Variants in TUSC3 observed in about 807,000 individuals in gnomAD.
TUSC3 encodes the protein tumor suppressor candidate 3.
Under a neutral mutation model 44.8 loss-of-function variants are expected in TUSC3, and 45 were observed. That is an observed-to-expected ratio of 1.00 (90% CI 0.79 to 1.29). TUSC3 has a LOEUF of 1.29. Ranked by LOEUF, TUSC3 falls within the 50% of genes most tolerant of loss-of-function variation. TUSC3 has a pLI of 0.00. For missense variants in TUSC3, 519 were observed against 437.9 expected (o/e 1.19, Z -1.65); for synonymous variants, 212 against 152.9 (o/e 1.39, Z -2.85).
chr8:15,714,304 T>C lies in TUSC3; in HGVS notation c.799-16362T>C, dbSNP rs561570710. On this transcript the variant is annotated intron_variant, in intron 6 of 10. Coordinates refer to ENST00000503731, the MANE Select transcript of TUSC3 (RefSeq NM_006765.4). ...AATAACAAGTGTAGCAGTATATATG[T>C]TGTTTTTAAATTTTGATTTTTGAAC... is the stretch of plus-strand genomic sequence containing the variant. Among the ~76,000 whole-genome samples, 12 of 152,298 alleles carry C rather than the reference T, an allele frequency of 7.9e-5. No individual in the cohort carries two copies. The South Asian group carries it at 2.5e-3, about 32-fold the overall frequency.
chr8:15,825,860 C>A, the TUSC3 span, among the ~76,000 whole-genome samples: 2 of 148,876 alleles, frequency 1.3e-5, no homozygotes, highest in East Asian at 2.0e-4. Flanking sequence ...TTGATAGTGA[C>A]CAATTACGGA....
intron 7 of TUSC3, among the ~76,000 whole-genome samples, chr8:15,733,900 C>T (rs1810825478): frequency 6.6e-6 from 1 of 152,028 alleles, no homozygotes; most frequent in Admixed American, 6.6e-5. Flanking sequence ...CAAAATTAGC[C>T]AGATGTGATG....
chr8:15,691,307 C>G (rs1395380557), intron 6 of TUSC3, among the ~76,000 whole-genome samples: 1 of 151,882 alleles, frequency 6.6e-6, no homozygotes. Context: ...TGGCTTTCAC[C>G]TTGGATGTTT....
chr8:15,743,420 G>A, intron 7 of TUSC3, 118 bp from the exon 8 acceptor site: 2 of 987,340 alleles, frequency 2.0e-6, no homozygotes, highest in Non-Finnish European at 3.3e-6. Flanking sequence ...GTAATTGATT[G>A]TATTTACCTC....
upstream of TUSC3, among the ~76,000 whole-genome samples, chr8:15,537,405 T>G (rs1289903883): frequency 6.6e-6 from 1 of 152,126 alleles, no homozygotes; most frequent in Non-Finnish European, 1.5e-5. Context: ...CTAAAATATA[T>G]AAAACCAAGC....
At chr8:15,554,600 A>ATTTTTT (rs376264004) in intron 1 of TUSC3, among the ~76,000 whole-genome samples, 2 of 111,654 alleles carry the variant, frequency 1.8e-5, no homozygotes, top group Non-Finnish European at 3.6e-5. Context: ...TTTTACTATA[A>ATTTTTT]TTTTTTTTTT....
intron 8 of TUSC3, among the ~76,000 whole-genome samples, chr8:15,746,333 G>A (rs890857649): frequency 6.6e-6 from 1 of 152,032 alleles, no homozygotes; most frequent in Non-Finnish European, 1.5e-5. Flanking sequence ...TGTTGTGTAT[G>A]TGCTTGTGTG....
the TUSC3 span, among the ~76,000 whole-genome samples, chr8:15,780,488 T>G: frequency 2.3e-4 from 35 of 152,304 alleles, no homozygotes; most frequent in South Asian, 6.2e-3. Flanking sequence ...ACACAAACAC[T>G]TGCAGGGGCT....
the TUSC3 span, among the ~76,000 whole-genome samples, chr8:15,805,710 A>G: frequency 1.3e-5 from 2 of 152,056 alleles, no homozygotes; most frequent in Admixed American, 6.6e-5. Flanking sequence ...CTGATGTGCT[A>G]CTGGATTCAG....
intron 1 of TUSC3, among the ~76,000 whole-genome samples, chr8:15,570,199 A>G (rs922553704): frequency 4.0e-5 from 6 of 151,592 alleles, no homozygotes; most frequent in Admixed American, 2.6e-4. Flanking sequence ...GTGCAGAGTA[A>G]TTTATTTCAC....
chr8:15,684,875 C>G (rs940122278), intron 6 of TUSC3, among the ~76,000 whole-genome samples: 15 of 152,126 alleles, frequency 9.9e-5, no homozygotes, highest in Admixed American at 2.6e-4. Context: ...GCAAAACACT[C>G]AGATGGGGCA....
chr8:15,821,911 G>A, the TUSC3 span, among the ~76,000 whole-genome samples: 1 of 152,118 alleles, frequency 6.6e-6, no homozygotes, highest in East Asian at 1.9e-4. Context: ...TTGCTCTGTT[G>A]AAATTAGACT....
At chr8:15,467,870 A>G (rs1043816407) in intron 1 of TUSC3, among the ~76,000 whole-genome samples, 33 of 152,146 alleles carry the variant, frequency 2.2e-4, no homozygotes, top group African/African-American at 8.0e-4. Context: ...CCTTTCTCTA[A>G]TATTCTACTT....
intron 1 of TUSC3, among the ~76,000 whole-genome samples, chr8:15,439,509 G>T (rs957166994): frequency 6.6e-6 from 1 of 152,158 alleles, no homozygotes; most frequent in Admixed American, 6.5e-5. Context: ...GTGAACCGTG[G>T]TTACACCACT....
chr8:15,536,239 A>G (rs572149388), upstream of TUSC3, among the ~76,000 whole-genome samples: 2 of 152,318 alleles, frequency 1.3e-5, no homozygotes, highest in South Asian at 2.1e-4. Context: ...GAGGAAAAAT[A>G]GGAAATGATG....
chr8:15,441,834 T>C (rs1800024108), intron 1 of TUSC3, among the ~76,000 whole-genome samples: 1 of 152,220 alleles, frequency 6.6e-6, no homozygotes, highest in Non-Finnish European at 1.5e-5. Context: ...TTTTTGATTA[T>C]GCTTCTCTAA....
In TUSC3 at chr8:15,573,441, C is replaced by T. The variant is rs184235668; in HGVS notation, c.138+32873C>T. ...TGGCTAGGTTGGCTTGCCACACTTCCGTAGATTGTGCTGCTGAAGATAGAA... is the reference window on the plus strand; with the variant it reads ...TGGCTAGGTTGGCTTGCCACACTTCTGTAGATTGTGCTGCTGAAGATAGAA... On this transcript the variant is annotated intron_variant, in intron 1 of 10. Coordinates refer to ENST00000503731, the MANE Select transcript of TUSC3 (RefSeq NM_006765.4). 1.2e-3 allele frequency among the ~76,000 whole-genome samples: 178 copies of T among 151,784 alleles called. 1 individual carries two copies. Among genetic ancestry groups the T allele is most frequent in the African/African-American group, 4.0e-3 (165 of 41,370 alleles).
At chr8:15,714,221 T>A (rs1200785667) in intron 6 of TUSC3, among the ~76,000 whole-genome samples, 4 of 152,160 alleles carry the variant, frequency 2.6e-5, no homozygotes, top group Non-Finnish European at 5.9e-5. Flanking sequence ...TGTAACACTT[T>A]ACCTCAAGCA....
intron 1 of TUSC3, among the ~76,000 whole-genome samples, chr8:15,596,346 C>G (rs554848400): frequency 7.2e-5 from 11 of 152,218 alleles, no homozygotes; most frequent in Admixed American, 4.6e-4. Flanking sequence ...TAGTACAGTA[C>G]ATGGGTTTGA....
Sources: gnomAD v4.1 joint callset for allele counts (sites outside exome capture counted in the v4.1 genomes callset) on GRCh38, gnomAD v4.1.1 for gene constraint, MANE v1.5 for transcripts, NCBI Gene and HGNC (gene_info 2026-07-23, HGNC 2026-07-21) for gene names.